Variants in KLHL11 observed in about 807,000 individuals in gnomAD.
KLHL11 encodes the protein kelch like family member 11, also known as kelch-like protein 11.
KLHL11 carries 26 observed loss-of-function variants against 56.1 expected under a neutral mutation model. That is an observed-to-expected ratio of 0.46 (90% CI 0.34 to 0.64). KLHL11 has a LOEUF of 0.64. Among genes scored for constraint, KLHL11 ranks in the 30% least tolerant of loss-of-function variants. The probability of loss-of-function intolerance (pLI) is 0.01; values close to 1 mark genes in which losing one functional copy is unlikely to be tolerated. For missense variants in KLHL11, 627 were observed against 919.4 expected (o/e 0.68, Z 4.11); for synonymous variants, 338 against 345.8 (o/e 0.98, Z 0.25).
In KLHL11 at chr17:41,854,574, A is replaced by G; in HGVS notation, c.1293T>C (p.Asn431=). 1 of 1,614,232 alleles carries G rather than the reference A, an allele frequency of 6.2e-7. No homozygotes were observed. Among genetic ancestry groups the G allele is most frequent in the Non-Finnish European group, 8.5e-7 (1 of 1,180,044 alleles). The change falls in exon 2 of 2, where the codon AAT becomes AAC. Residue 431 remains asparagine, a synonymous_variant. Transcript: ENST00000319121. This position sits in a 1 kb window ranked among gnomAD's most constrained non-coding sequence, Gnocchi z 4.9. ...KTVERYNPNL[N]TWEHVCSLMT... is the part of the protein sequence containing the mutation. Reference sequence around the variant, plus strand: ...TCAGACTACAAACATGTTCCCATGTATTCAAATTTGGGTTATACCTTTCTA... The same window carrying G: ...TCAGACTACAAACATGTTCCCATGTGTTCAAATTTGGGTTATACCTTTCTA...
Position 41,864,865 on chromosome 17 carries a change from C to G in KLHL11, c.506G>C (p.Ser169Thr). 6.4e-7 allele frequency: 1 copy of G among 1,569,924 alleles called. No individual in the cohort carries two copies. Among genetic ancestry groups the G allele is most frequent in the African/African-American group, 1.4e-5 (1 of 72,886 alleles). ...EYMYTGRIRV[S>T]TGSVHEVLEL... is the part of the protein sequence containing the mutation. ...CAGCACCTCGTGCACGCTGCCCGTG[C>G]TGACGCGGATGCGCCCGGTGTACAT... Residue 169 changes from serine to threonine, a missense_variant, in exon 1 of 2, where the codon AGC (serine) becomes ACC (threonine). By Grantham distance (58) the Ser-to-Thr change is moderately conservative (BLOSUM62 1). This residue lies in a region of KLHL11 where 150 missense variants were observed against 215.7 expected (regional missense o/e 0.70). Coordinates refer to ENST00000319121, the MANE Select transcript of KLHL11 (RefSeq NM_018143.3).
chr17:41,854,663 C>T lies in KLHL11; in HGVS notation c.1204G>A (p.Val402Ile). The T allele has an allele frequency of 3.1e-6, 5 of 1,614,188 alleles. No homozygotes were observed. Among genetic ancestry groups the T allele is most frequent in the South Asian group, 1.1e-5 (1 of 91,086 alleles). The change falls in exon 2 of 2, where the codon GTT (valine) becomes ATT (isoleucine). Residue 402 changes from valine (V) to isoleucine (I), a missense_variant. Val to Ile is a conservative substitution (Grantham distance 29). This residue lies in a region of KLHL11 where 106 missense variants were observed against 227.0 expected (regional missense o/e 0.47). Transcript: ENST00000319121. This position sits in a 1 kb window ranked among gnomAD's most constrained non-coding sequence, Gnocchi z 4.9. ...TACACGTAGGATTCTGTTACTGCAA[C>T]AGCATGTCCATCGAGGTGATTATGA... ...HIHNHLDGHAVAVTESYVYVA... is the reference protein window; with the variant it reads ...HIHNHLDGHAIAVTESYVYVA...
At chr17:41,858,456 G>A (rs1447045892) in intron 1 of KLHL11, among the ~76,000 whole-genome samples, 1 of 147,696 alleles carries the variant, frequency 6.8e-6, no homozygotes, top group Non-Finnish European at 1.5e-5. Context: ...CCCCGAGATG[G>A]AGTTTCGCTC....
chr17:41,863,954 T>C lies in KLHL11; in HGVS notation c.545+872A>G, dbSNP rs781868211. Among the ~76,000 whole-genome samples the C allele has an allele frequency of 1.2e-4, 18 of 152,332 alleles. 1 individual carries two copies. The Middle Eastern group carries it at 0.01, about 86-fold the overall frequency. ...CATTTAACAATCATCCAACAGGCTA[T>C]ACATTTTACTTATTTACCGTCCATC... On this transcript the variant is annotated intron_variant, in intron 1 of 1. Transcript: ENST00000319121.
chr17:41,861,523 TA>T (rs1227245807), intron 1 of KLHL11, among the ~76,000 whole-genome samples: 7 of 151,686 alleles, frequency 4.6e-5, no homozygotes, highest in Non-Finnish European at 8.8e-5. Context: ...CCATCTCTAC[TA>T]AAAATACAAA....
rs2048327220 is a variant in KLHL11, at chr17:41,850,555, A to G, written c.*3185T>C. ...AGTTAAAAACTATTATCGTAGTGAG[A>G]TACTAAATTATTTAAATACAATCAA... On this transcript the variant is annotated 3_prime_UTR_variant, in exon 2 of 2. Coordinates refer to ENST00000319121, the MANE Select transcript of KLHL11 (RefSeq NM_018143.3). 6.6e-6 allele frequency: 1 copy of G among 152,260 alleles called. No homozygotes were observed. The highest frequency in any genetic ancestry group is 1.5e-5 in the Non-Finnish European group (1 of 68,046). The allele number at this position is 152,260 out of a possible 1,614,324, so 9.4% of individuals were successfully genotyped here.
At position 41,854,099 on chromosome 17, in the gene KLHL11, C is replaced by T. The variant is rs781799957; in HGVS notation, c.1768G>A (p.Glu590Lys). 1.9e-6 allele frequency: 3 copies of T among 1,614,188 alleles called. No homozygotes were observed. The highest frequency in any genetic ancestry group is 2.5e-6 in the Non-Finnish European group (3 of 1,180,030). ...CTTAGGACTTCTGGAGGCAAGCTTTCAAGGATCTCATCAGACACTTGGCTG... is the reference window on the plus strand; with the variant it reads ...CTTAGGACTTCTGGAGGCAAGCTTTTAAGGATCTCATCAGACACTTGGCTG... ...IASQVSDEILESLPPEVLSIE... is the reference protein window; with the variant it reads ...IASQVSDEILKSLPPEVLSIE... Residue 590 changes from glutamate to lysine, a missense_variant, in exon 2 of 2, where the codon GAA becomes AAA. Coordinates refer to ENST00000319121, the MANE Select transcript of KLHL11 (RefSeq NM_018143.3). This position sits in a 1 kb window ranked among gnomAD's most constrained non-coding sequence, Gnocchi z 4.9.
rs117742007 is a variant in KLHL11, at chr17:41,859,863, A to G, written c.546-4542T>C. On this transcript the variant is annotated intron_variant, in intron 1 of 1. Transcript: ENST00000319121. ...CCACAATCGTTTCAGACAAATTCAT[A>G]AATCTGGCAGCAATCAGCCTGAGGA... 9.2e-5 allele frequency among the ~76,000 whole-genome samples: 14 copies of G among 152,348 alleles called. No homozygotes were observed. The East Asian group carries it at 2.5e-3, about 27-fold the overall frequency.
rs1555622353 is a variant in KLHL11 at position 41,854,831 on chromosome 17, A to C, written c.1036T>G (p.Ser346Ala). The change falls in exon 2 of 2, where the codon TCT (serine) becomes GCT (alanine). Residue 346 changes from serine (S) to alanine (A), a missense_variant. Transcript: ENST00000319121. The surrounding 1 kb of genome is among the most constrained non-coding windows in gnomAD (Gnocchi z 4.9). Reference protein sequence around the residue: ...IQSGTCQHPTSHVSLLPRYGQ... With the variant: ...IQSGTCQHPTAHVSLLPRYGQ... ...TAACGAGGCAATAGTGACACATGAG[A>C]AGTGGGGTGCTGGCATGTGCCAGAT... is the stretch of plus-strand genomic sequence containing the variant. 3.7e-6 allele frequency: 6 copies of C among 1,614,220 alleles called. No individual in the cohort carries two copies. Among genetic ancestry groups the C allele is most frequent in the Non-Finnish European group, 4.2e-6 (5 of 1,180,052 alleles).
chr17:41,859,023 T>G (rs373363641), intron 1 of KLHL11, among the ~76,000 whole-genome samples: 12 of 152,108 alleles, frequency 7.9e-5, no homozygotes, highest in African/African-American at 2.9e-4. Context: ...CTGCTAGAGG[T>G]TTTATTTCAT....
Position 41,865,266 on chromosome 17 carries a change from T to A in KLHL11, c.105A>T (p.Gly35=). The change falls in exon 1 of 2, where the codon GGA becomes GGT. Residue 35 remains glycine, a synonymous_variant. Coordinates refer to ENST00000319121, the MANE Select transcript of KLHL11 (RefSeq NM_018143.3). ...SMETAAAGSA[G]LAAEVRGSGT... is the part of the protein sequence containing the mutation. ...CGCTGCCTCGGACCTCGGCGGCCAG[T>A]CCTGCCGAGCCGGCGGCGGCCGTCT... 1 of 1,576,018 alleles carries A rather than the reference T, an allele frequency of 6.3e-7. No homozygotes were observed. Among genetic ancestry groups the A allele is most frequent in the Non-Finnish European group, 8.6e-7 (1 of 1,167,514 alleles).
chr17:41,848,665 G>T lies in KLHL11; in HGVS notation c.*5075C>A. ...ATGCTACATCTCCTCTGAGTTAAGG[G>T]GAGATAGTGAAGATTATATTTTCAG... On this transcript the variant is annotated 3_prime_UTR_variant, in exon 2 of 2. Coordinates refer to ENST00000319121, the MANE Select transcript of KLHL11 (RefSeq NM_018143.3). 5.4e-6 allele frequency: 1 copy of T among 186,826 alleles called. No homozygotes were observed. Among genetic ancestry groups the T allele is most frequent in the Non-Finnish European group, 1.1e-5 (1 of 88,280 alleles). The allele number at this position is 186,826 out of a possible 1,614,324, so 11.6% of individuals were successfully genotyped here.
In KLHL11 at chr17:41,851,254, A is replaced by G. The variant is rs2144148221; in HGVS notation, c.*2486T>C. The G allele has an allele frequency of 6.6e-6, 1 of 152,230 alleles. No homozygotes were observed. The highest frequency in any genetic ancestry group is 2.1e-4 in the South Asian group (1 of 4,820). The allele number at this position is 152,230 out of a possible 1,614,324, so 9.4% of individuals were successfully genotyped here. ...TTAAAAAACCAAAACAACAACAAAA[A>G]CAAGAAAACCACATTGTAAACTGTT... On this transcript the variant is annotated 3_prime_UTR_variant, in exon 2 of 2. Coordinates refer to ENST00000319121, the MANE Select transcript of KLHL11 (RefSeq NM_018143.3).
chr17:41,853,652 TA>T lies in KLHL11; in HGVS notation c.*87del. Reference sequence around the variant, plus strand: ...TAATCAGTTCATGTAGAAAATAAGTTATCGACATACTTTTTTAAATAACAGC... The same window carrying T: ...TAATCAGTTCATGTAGAAAATAAGTTTCGACATACTTTTTTAAATAACAGC... On this transcript the variant is annotated 3_prime_UTR_variant, in exon 2 of 2. Transcript: ENST00000319121. 6.9e-7 allele frequency: 1 copy of T among 1,450,004 alleles called. No individual in the cohort carries two copies. 89.8% of individuals were successfully genotyped at this position (1,450,004 alleles called of 1,614,324 possible). A position where few individuals can be genotyped will look rare whatever the true frequency, so the allele number is the denominator to read the frequency against.
At chr17:41,855,391 T>C in intron 1 of KLHL11, 70 bp from the exon 2 acceptor site, 1 of 1,241,550 alleles carries the variant, frequency 8.1e-7, no homozygotes, top group South Asian at 1.5e-5. Flanking sequence ...CTTTTTTCTT[T>C]TTTTTGAGAC....
rs150375860 is a variant in KLHL11, at chr17:41,854,657, C to T, written c.1210G>A (p.Val404Ile). The T allele has an allele frequency of 3.1e-6, 5 of 1,614,160 alleles. No homozygotes were observed. In the East Asian group the frequency reaches 1.1e-4, roughly 36 times the overall value. ...HNHLDGHAVA[V>I]TESYVYVAGS... ...GCAACATACACGTAGGATTCTGTTA[C>T]TGCAACAGCATGTCCATCGAGGTGA... is the stretch of plus-strand genomic sequence containing the variant. The change falls in exon 2 of 2, where the codon GTA becomes ATA. Residue 404 changes from valine to isoleucine, a missense_variant. Physicochemically the swap from Val to Ile is conservative, Grantham distance 29. Around this residue, in one of 4 missense-constraint regions of KLHL11, gnomAD observed 106 missense variants for 227.0 expected, o/e 0.47. Transcript: ENST00000319121. The surrounding 1 kb of genome is among the most constrained non-coding windows in gnomAD (Gnocchi z 4.9).
At chr17:41,858,470 T>C (rs1168922424) in intron 1 of KLHL11, among the ~76,000 whole-genome samples, 1 of 151,052 alleles carries the variant, frequency 6.6e-6, no homozygotes, top group South Asian at 2.1e-4. Flanking sequence ...TTCGCTCTTA[T>C]TGCCCAGGCT....
At chr17:41,857,798 T>C (rs2048375413) in intron 1 of KLHL11, among the ~76,000 whole-genome samples, 2 of 151,974 alleles carry the variant, frequency 1.3e-5, no homozygotes, top group South Asian at 2.1e-4. Flanking sequence ...CACATGCTAC[T>C]GTGTCTGGCT....
At chr17:41,862,669 A>G (rs143633730) in intron 1 of KLHL11, among the ~76,000 whole-genome samples, 108 of 151,934 alleles carry the variant, frequency 7.1e-4, no homozygotes, top group Non-Finnish European at 1.1e-3. Flanking sequence ...CAAAGTGCTG[A>G]GATTACAGGC....
Sources: gnomAD v4.1 joint callset for allele counts (sites outside exome capture counted in the v4.1 genomes callset) on GRCh38, gnomAD v4.1.1 for gene constraint, gnomAD v4.1.1 regional missense constraint, Gnocchi (gnomAD v3.1) non-coding constraint, MANE v1.5 for transcripts, NCBI Gene and HGNC (gene_info 2026-07-23, HGNC 2026-07-21) for gene names.